Variants in DMD observed in about 807,000 individuals in gnomAD.
DMD encodes the protein mutant dystrophin.
DMD carries 63 observed loss-of-function variants against 330.1 expected under a neutral mutation model. The ratio of observed to expected loss-of-function variants is 0.19; its 90% confidence interval spans 0.16 to 0.24. The LOEUF is 0.24. DMD is among the 10% of genes least tolerant of loss of function. The pLI, the probability that DMD is intolerant of heterozygous loss-of-function variation, is 1.00. For synonymous variants in DMD, 1,223 were observed against 959.8 expected, an observed-to-expected ratio of 1.27 and a Z score of -5.07; for missense variants, 3,344 against 2,684.1, an observed-to-expected ratio of 1.25 and a Z score of -5.43.
chrX:31,959,057 T>C (rs1001952247), intron 45 of DMD, among the ~76,000 whole-genome samples: 5 of 111,529 alleles, frequency 4.5e-5, no homozygotes, highest in African/African-American at 1.6e-4. Context: ...TCCCATCTAC[T>C]TAACGACTAA....
chrX:31,262,962 GCCT>G (rs776930372), intron 62 of DMD, among the ~76,000 whole-genome samples: 8 of 112,581 alleles, frequency 7.1e-5, no homozygotes, highest in African/African-American at 2.3e-4. Flanking sequence ...CTGCATTCAG[GCCT>G]CCTCTATTTC....
At chrX:32,728,021 C>T in intron 7 of DMD, among the ~76,000 whole-genome samples, 1 of 111,229 alleles carries the variant, frequency 9.0e-6, no homozygotes, top group Non-Finnish European at 1.9e-5. Context: ...TTAGGCAAGG[C>T]CTCTATCAAT....
chrX:31,158,780 A>C (rs959670166), intron 74 of DMD, among the ~76,000 whole-genome samples: 2 of 112,263 alleles, frequency 1.8e-5, no homozygotes, highest in Admixed American at 1.9e-4. Context: ...CTATGGAAAA[A>C]TCAAGGTTTA....
At chrX:31,556,860 G>A (rs1603367073) in intron 55 of DMD, among the ~76,000 whole-genome samples, 1 of 112,141 alleles carries the variant, frequency 8.9e-6, no homozygotes, top group Middle Eastern at 4.6e-3. Flanking sequence ...TTATTTCAAT[G>A]TATGTTATCA....
intron 51 of DMD, among the ~76,000 whole-genome samples, chrX:31,764,297 A>G (rs1436311502): frequency 8.9e-6 from 1 of 111,828 alleles, no homozygotes; most frequent in East Asian, 2.8e-4. Flanking sequence ...AGTGCCTAAC[A>G]TCTATTACAT....
intron 47 of DMD, among the ~76,000 whole-genome samples, chrX:31,905,699 G>C (rs544539196): frequency 1.8e-5 from 2 of 110,889 alleles, no homozygotes; most frequent in East Asian, 5.7e-4. Flanking sequence ...AGATGAAAGT[G>C]TGAGGAAAAA....
chrX:32,335,761 T>G (rs983109921), intron 41 of DMD, among the ~76,000 whole-genome samples: 3 of 100,768 alleles, frequency 3.0e-5, no homozygotes, highest in Non-Finnish European at 6.3e-5. Flanking sequence ...GCATAACATG[T>G]ATATATAAAA....
chrX:31,521,064 T>C (rs1174762098), intron 55 of DMD, among the ~76,000 whole-genome samples: 1 of 111,767 alleles, frequency 8.9e-6, no homozygotes, highest in Non-Finnish European at 1.9e-5. Flanking sequence ...GGCCTTTCCA[T>C]GCCCATATGA....
At chrX:32,748,517 A>G (rs1049047723) in intron 7 of DMD, among the ~76,000 whole-genome samples, 1 of 111,569 alleles carries the variant, frequency 9.0e-6, no homozygotes, top group African/African-American at 3.3e-5. Context: ...TGTGATTTTA[A>G]TAATTACATC....
At chrX:33,305,604 C>CA (rs200621638) in intron 1 of DMD, among the ~76,000 whole-genome samples, 23,140 of 84,172 alleles carry the variant, frequency 0.27, 2,465 homozygotes, top group Admixed American at 0.32. Flanking sequence ...AATATAACTT[C>CA]AAAAAAAAAA....
rs778767915 is a variant in DMD, at chrX:31,409,236, C to T, written c.9084+35245G>A. Among the ~76,000 whole-genome samples the T allele has an allele frequency of 8.9e-5, 10 of 112,372 alleles. No homozygotes were observed. The South Asian group carries it at 1.5e-3, about 17-fold the overall frequency. ...AAAGGTATCTAGCCCATTTTCTTTG[C>T]GTTTACTCCCTCCAGATGTTCTAAT... is the stretch of plus-strand genomic sequence containing the variant. On this transcript the variant is annotated intron_variant, in intron 60 of 78. Coordinates refer to ENST00000357033, the MANE Select transcript of DMD (RefSeq NM_004006.3).
chrX:32,562,435 C>G (rs1333435951), intron 16 of DMD, among the ~76,000 whole-genome samples: 1 of 112,597 alleles, frequency 8.9e-6, no homozygotes. Context: ...ATCATACGCG[C>G]AAGCAGTGTT....
intron 1 of DMD, among the ~76,000 whole-genome samples, chrX:33,136,870 G>A (rs1377305797): frequency 1.8e-5 from 2 of 110,717 alleles, no homozygotes; most frequent in Non-Finnish European, 3.8e-5. Flanking sequence ...TAAGAAGTAC[G>A]AAGAATTACC....
Position 33,053,028 on chromosome X carries a change from G to A in DMD, c.32-32828C>T, listed in dbSNP as rs909070277. ...TCCCTAACAAATTAAACTATCTGTC[G>A]GTAGATCTTTTAGACAATACTTTTT... is the stretch of plus-strand genomic sequence containing the variant. On this transcript the variant is annotated intron_variant, in intron 1 of 78. Transcript: ENST00000357033. Among the ~76,000 whole-genome samples the A allele has an allele frequency of 1.2e-4, 13 of 111,252 alleles. No individual in the cohort carries two copies. In the Admixed American group the frequency reaches 1.2e-3, roughly 11 times the overall value.
At chrX:32,645,700 A>T (rs1016120968) in intron 9 of DMD, among the ~76,000 whole-genome samples, 10 of 112,100 alleles carry the variant, frequency 8.9e-5, no homozygotes, top group African/African-American at 3.2e-4. Context: ...AAAATTTCTA[A>T]CAGCATAATG....
At position 33,239,274 on chromosome X, in the gene DMD, CAAAAAAAAAAAAAA is replaced by C. The variant is rs558228818; in HGVS notation, c.7+99971_7+99984del. Among the ~76,000 whole-genome samples, 4 of 31,369 alleles carry C rather than the reference CAAAAAAAAAAAAAA, an allele frequency of 1.3e-4. 1 individual carries two copies. In the South Asian group the frequency reaches 0.011, roughly 86 times the overall value. 27.2% of individuals were successfully genotyped at this position (31,369 alleles called of 115,157 possible). A position where few individuals can be genotyped will look rare whatever the true frequency, so the allele number is the denominator to read the frequency against. On this transcript the variant is annotated intron_variant, in intron 1 of 17. Coordinates refer to the DMD transcript ENST00000288447. ...GGGTGACAGAGCAAGACTCTGTCTC[CAAAAAAAAAAAAAA>C]AAAAAAAAAAAAATGTCGAATGTCA...
chrX:32,576,051 T>G (rs2053010249), intron 13 of DMD, among the ~76,000 whole-genome samples: 1 of 111,540 alleles, frequency 9.0e-6, no homozygotes, highest in Non-Finnish European at 1.9e-5. Flanking sequence ...TATAACATTT[T>G]CAAATTTATT....
chrX:32,529,752 A>G (rs1050556032), intron 17 of DMD, among the ~76,000 whole-genome samples: 7 of 111,139 alleles, frequency 6.3e-5, no homozygotes, highest in Non-Finnish European at 9.4e-5. Context: ...ATTAAATAAA[A>G]TCTAAAGATG....
chrX:31,603,638 T>G (rs2077477149), intron 55 of DMD, among the ~76,000 whole-genome samples: 1 of 112,356 alleles, frequency 8.9e-6, no homozygotes, highest in South Asian at 3.6e-4. Flanking sequence ...TCCAAAATGC[T>G]AAGCTCAAGT....
Sources: allele counts gnomAD v4.1 joint callset (sites outside exome capture counted in the v4.1 genomes callset), GRCh38; gene constraint gnomAD v4.1.1; transcripts MANE v1.5; gene names NCBI Gene and HGNC (gene_info 2026-07-23, HGNC 2026-07-21).